SLC24A2: variants seen among roughly 807,000 people sequenced by gnomAD.
SLC24A2 encodes the protein sodium/potassium/calcium exchanger 2.
SLC24A2 carries 36 observed loss-of-function variants against 62.0 expected under a neutral mutation model. The ratio of observed to expected loss-of-function variants is 0.58; its 90% CI spans 0.44 to 0.77. The LOEUF (loss-of-function observed/expected upper bound fraction) is 0.77. Among genes scored for constraint, SLC24A2 ranks in the 30% least tolerant of loss-of-function variants. The pLI, the probability that SLC24A2 is intolerant of heterozygous loss-of-function variation, is 0.00. For synonymous variants in SLC24A2, 358 were observed against 294.0 expected, an observed-to-expected ratio of 1.22 and a Z score of -2.23; for missense variants, 846 against 817.9, an observed-to-expected ratio of 1.03 and a Z score of -0.42.
intron 8 of SLC24A2, among the ~76,000 whole-genome samples, chr9:19,533,946 T>G: frequency 6.6e-6 from 1 of 152,218 alleles, no homozygotes; most frequent in Non-Finnish European, 1.5e-5. Context: ...ACCAATATGC[T>G]TTGTGAATAA....
the SLC24A2 span, among the ~76,000 whole-genome samples, chr9:20,194,626 T>C: frequency 1.3e-5 from 2 of 152,156 alleles, no homozygotes; most frequent in Admixed American, 1.3e-4. Flanking sequence ...CTCCTTTGTA[T>C]AGCCCATTTG....
chr9:20,279,932 C>G, the SLC24A2 span, among the ~76,000 whole-genome samples: 1 of 152,170 alleles, frequency 6.6e-6, no homozygotes, highest in Admixed American at 6.5e-5. Flanking sequence ...AGTAAAACCA[C>G]TGAGGATCAG....
At chr9:19,661,801 A>G (rs865858272) in intron 2 of SLC24A2, among the ~76,000 whole-genome samples, 1 of 152,242 alleles carries the variant, frequency 6.6e-6, no homozygotes. Context: ...CGTTGCTGCC[A>G]ATAATGGGCA....
the SLC24A2 span, among the ~76,000 whole-genome samples, chr9:19,821,340 TTAACA>T: frequency 6.6e-6 from 1 of 152,156 alleles, no homozygotes; most frequent in Non-Finnish European, 1.5e-5. Flanking sequence ...TTTTGTTTAA[TTAACA>T]TATTAGTGAT....
chr9:19,602,055 A>G (rs1836856404), intron 4 of SLC24A2, among the ~76,000 whole-genome samples: 1 of 152,216 alleles, frequency 6.6e-6, no homozygotes, highest in African/African-American at 2.4e-5. Context: ...AATGCAGAAC[A>G]AGGAGATCTT....
chr9:20,174,351 G>C, the SLC24A2 span, among the ~76,000 whole-genome samples: 10 of 151,718 alleles, frequency 6.6e-5, no homozygotes, highest in Non-Finnish European at 7.4e-5. Context: ...AGGATAAATA[G>C]CTGGGACTTA....
chr9:20,131,068 T>C, the SLC24A2 span, among the ~76,000 whole-genome samples: 6 of 151,424 alleles, frequency 4.0e-5, no homozygotes, highest in East Asian at 3.9e-4. Context: ...ATGTGGGCTC[T>C]GTAACAAATA....
At chr9:19,577,673 G>T (rs978514210) in intron 5 of SLC24A2, among the ~76,000 whole-genome samples, 2 of 152,178 alleles carry the variant, frequency 1.3e-5, no homozygotes, top group South Asian at 2.1e-4. Context: ...GGCAAGGAAG[G>T]ATCAACTGAG....
chr9:19,934,812 G>C, the SLC24A2 span, among the ~76,000 whole-genome samples: 1 of 152,106 alleles, frequency 6.6e-6, no homozygotes, highest in African/African-American at 2.4e-5. The surrounding 1 kb of genome is among the most constrained non-coding windows in gnomAD (Gnocchi z 4.1). Context: ...GGCGGGGAGG[G>C]CAAGCGTGGC....
the SLC24A2 span, among the ~76,000 whole-genome samples, chr9:19,833,420 G>T: frequency 6.6e-6 from 1 of 152,228 alleles, no homozygotes; most frequent in African/African-American, 2.4e-5. Flanking sequence ...CGGCACACCA[G>T]GAGATTATAT....
chr9:20,155,468 A>T, the SLC24A2 span, among the ~76,000 whole-genome samples: 8 of 151,958 alleles, frequency 5.3e-5, no homozygotes, highest in South Asian at 2.1e-4. Flanking sequence ...TGCCTCTTAG[A>T]TATTTGTGGA....
intron 7 of SLC24A2, among the ~76,000 whole-genome samples, chr9:19,570,434 C>T (rs967449902): frequency 1.3e-5 from 2 of 152,202 alleles, no homozygotes; most frequent in African/African-American, 4.8e-5. Context: ...CTTCCTTTGG[C>T]AGGCTCTCAG....
intron 2 of SLC24A2, among the ~76,000 whole-genome samples, chr9:19,669,750 C>A (rs1819362004): frequency 6.6e-6 from 1 of 152,216 alleles, no homozygotes; most frequent in Non-Finnish European, 1.5e-5. Context: ...GCCTTAAGGA[C>A]CCTTGTGATG....
At chr9:20,049,838 G>C in the SLC24A2 span, among the ~76,000 whole-genome samples, 1 of 152,094 alleles carries the variant, frequency 6.6e-6, no homozygotes, top group African/African-American at 2.4e-5. Flanking sequence ...CACTGCATCT[G>C]TTACAGAGGA....
the SLC24A2 span, among the ~76,000 whole-genome samples, chr9:19,895,550 T>TTTC: frequency 4.5e-3 from 106 of 23,322 alleles, no homozygotes; most frequent in Middle Eastern, 0.026. Flanking sequence ...TTCTTTCTTT[T>TTTC]TTTTTTTTTT....
At chr9:19,876,951 A>G in the SLC24A2 span, among the ~76,000 whole-genome samples, 2 of 152,124 alleles carry the variant, frequency 1.3e-5, no homozygotes, top group Non-Finnish European at 2.9e-5. Flanking sequence ...ATTAGGAGAA[A>G]TATTTTCATT....
chr9:19,705,472 A>C (rs1433737558), intron 2 of SLC24A2: 3 of 202,980 alleles, frequency 1.5e-5, no homozygotes, highest in Admixed American at 1.4e-4. Flanking sequence ...CATCCAGTGC[A>C]TGTACCAACA....
chr9:20,197,012 G>A, the SLC24A2 span, among the ~76,000 whole-genome samples: 11 of 152,194 alleles, frequency 7.2e-5, no homozygotes, highest in African/African-American at 1.2e-4. Flanking sequence ...TTATATGGAT[G>A]TAACATAATT....
the SLC24A2 span, among the ~76,000 whole-genome samples, chr9:20,152,263 A>G: frequency 6.6e-6 from 1 of 151,922 alleles, no homozygotes; most frequent in Admixed American, 6.6e-5. Context: ...GAAGCACATG[A>G]GCTTTAAAAC....
Sources: allele counts gnomAD v4.1 joint callset (sites outside exome capture counted in the v4.1 genomes callset), GRCh38; gene constraint gnomAD v4.1.1; non-coding constraint Gnocchi (gnomAD v3.1); transcripts MANE v1.5; gene names NCBI Gene and HGNC (gene_info 2026-07-23, HGNC 2026-07-21).